DNAJC6: variants seen among roughly 807,000 people sequenced by gnomAD.
The protein encoded by DNAJC6 is auxilin.
Under a neutral mutation model 110.0 loss-of-function variants are expected in DNAJC6, and 34 were observed. That is an observed-to-expected ratio of 0.31 (90% CI 0.24 to 0.41). The LOEUF (loss-of-function observed/expected upper bound fraction) is 0.41, where lower values mean the gene tolerates loss of function less well. DNAJC6 is among the 10% of genes least tolerant of loss of function. DNAJC6 has a pLI of 1.00. For missense variants in DNAJC6, 1,031 were observed against 1,207.8 expected (o/e 0.85, Z 2.17); for synonymous variants, 406 against 437.2 (o/e 0.93, Z 0.89).
At chr1:65,358,178 CAAAAAAAAAAA>C (rs11285114) in intron 1 of DNAJC6, among the ~76,000 whole-genome samples, 1 of 80,036 alleles carries the variant, frequency 1.2e-5, no homozygotes, top group Non-Finnish European at 2.4e-5. Flanking sequence ...GACTCAGTCT[CAAAAAAAAAAA>C]AAAAAAAAAA....
At chr1:65,314,902 T>A (rs1340572979) in intron 1 of DNAJC6, among the ~76,000 whole-genome samples, 1 of 152,248 alleles carries the variant, frequency 6.6e-6, no homozygotes, top group Admixed American at 6.5e-5. Context: ...AGTTTCAAAT[T>A]TCAAATGCTT....
intron 13 of DNAJC6, among the ~76,000 whole-genome samples, chr1:65,397,295 G>A (rs959870341): frequency 5.9e-5 from 9 of 152,136 alleles, no homozygotes; most frequent in East Asian, 1.9e-4. Flanking sequence ...TACTTCCCCC[G>A]GGTTTCTGCA....
At chr1:65,317,379 A>T (rs1347192678) in intron 1 of DNAJC6, among the ~76,000 whole-genome samples, 1 of 152,272 alleles carries the variant, frequency 6.6e-6, no homozygotes, top group African/African-American at 2.4e-5. Flanking sequence ...AGGAAGTTCC[A>T]TAACATGTGC....
rs1645892808 is a variant in DNAJC6, at chr1:65,388,420, G to A, written c.1193+5G>A. 1 of 1,613,130 alleles carries A rather than the reference G, an allele frequency of 6.2e-7. No individual in the cohort carries two copies. Among genetic ancestry groups the A allele is most frequent in the South Asian group, 1.1e-5 (1 of 91,064 alleles). ...AACAGTTTTAAAGTTCACCAAGTAA[G>A]TACTGGTTGGGCCAAAAGTCTATTT... On this transcript the variant is annotated splice_donor_5th_base_variant and intron_variant, in intron 9 of 18. Transcript: ENST00000371069.
intron 1 of DNAJC6, among the ~76,000 whole-genome samples, chr1:65,347,907 A>G (rs1246903554): frequency 6.6e-6 from 1 of 152,176 alleles, no homozygotes; most frequent in African/African-American, 2.4e-5. Context: ...ATTTTTCTCA[A>G]GTAATTGAGC....
chr1:65,335,408 C>T (rs1202602241), intron 1 of DNAJC6, among the ~76,000 whole-genome samples: 1 of 151,876 alleles, frequency 6.6e-6, no homozygotes, highest in Non-Finnish European at 1.5e-5. Context: ...GCCACCAGGC[C>T]CAGCCTATGT....
chr1:65,366,323 T>C, intron 4 of DNAJC6, 127 bp downstream of exon 4: 3 of 1,006,388 alleles, frequency 3.0e-6, no homozygotes, highest in Non-Finnish European at 2.9e-6. Flanking sequence ...TGGACACTTC[T>C]GTTCACAAAA....
chr1:65,369,126 G>A (rs1645681453), intron 4 of DNAJC6, among the ~76,000 whole-genome samples: 1 of 151,990 alleles, frequency 6.6e-6, no homozygotes, highest in African/African-American at 2.4e-5. Flanking sequence ...CATGCCACGA[G>A]GCTTTTCCAA....
chr1:65,368,122 C>T (rs959127869), intron 4 of DNAJC6, among the ~76,000 whole-genome samples: 2 of 151,986 alleles, frequency 1.3e-5, no homozygotes, highest in Non-Finnish European at 2.9e-5. Flanking sequence ...GCCTAGTTGG[C>T]GAGAGAACCC....
intron 5 of DNAJC6, 143 bp from the exon 6 acceptor site, chr1:65,384,050 A>C: frequency 9.0e-7 from 1 of 1,106,500 alleles, no homozygotes; most frequent in Non-Finnish European, 1.2e-6. Flanking sequence ...TTGGTTTTCA[A>C]GTGAATAATT....
In DNAJC6 at chr1:65,368,033, A is replaced by G. The variant is rs186599832; in HGVS notation, c.543+1837A>G. On this transcript the variant is annotated intron_variant, in intron 4 of 18. Coordinates refer to ENST00000371069, the MANE Select transcript of DNAJC6 (RefSeq NM_001256864.2). ...CCCCAAAAATAAAAAATAAAAATAA[A>G]AAAGCATGAATGTGGAAAGAATTGT... is the stretch of plus-strand genomic sequence containing the variant. Among the ~76,000 whole-genome samples the G allele has an allele frequency of 2.7e-3, 418 of 152,358 alleles. 2 individuals carry two copies. The highest frequency in any genetic ancestry group is 2.3e-3 in the Non-Finnish European group (155 of 68,030).
At chr1:65,329,516 TAATA>T (rs1645268876) in intron 1 of DNAJC6, among the ~76,000 whole-genome samples, 1 of 151,574 alleles carries the variant, frequency 6.6e-6, no homozygotes, top group African/African-American at 2.4e-5. Context: ...TTATTCAATA[TAATA>T]AATATAAATA....
At chr1:65,270,829 C>T (rs1653480196) in intron 1 of DNAJC6, among the ~76,000 whole-genome samples, 1 of 152,128 alleles carries the variant, frequency 6.6e-6, no homozygotes. Flanking sequence ...CAGGTGCACA[C>T]CACCACACCC....
chr1:65,285,220 A>G (rs1653978765), intron 1 of DNAJC6, among the ~76,000 whole-genome samples: 1 of 152,154 alleles, frequency 6.6e-6, no homozygotes, highest in South Asian at 2.1e-4. Context: ...AGTGTTCTCA[A>G]TATGACCACC....
intron 8 of DNAJC6, 103 bp from the exon 9 acceptor site, chr1:65,388,233 A>G: frequency 1.0e-6 from 1 of 967,940 alleles, no homozygotes; most frequent in South Asian, 1.3e-5. Context: ...ACAAATTCAG[A>G]TATTGAAACA....
chr1:65,309,522 C>G, upstream of DNAJC6: 4 of 1,212,248 alleles, frequency 3.3e-6, no homozygotes, highest in South Asian at 2.3e-5. Context: ...TCCTTCCCTC[C>G]CTCCCTCCTC....
chr1:65,392,840 G>C lies in DNAJC6; in HGVS notation c.1878G>C (p.Ala626=). 6.5e-7 allele frequency: 1 copy of C among 1,536,812 alleles called. No homozygotes were observed. Among genetic ancestry groups the C allele is most frequent in the Non-Finnish European group, 8.7e-7 (1 of 1,143,834 alleles). The change falls in exon 12 of 19, where the codon GCG becomes GCC. Residue 626 remains alanine, a synonymous_variant. Transcript: ENST00000371069. ...TPRRSATSTS[A]SPTLRVGEGA... ...GCCGCTCTGCCACCTCCACCTCTGCGTCTCCAACCCTAAGAGTGGGAGAAG... is the reference window on the plus strand; with the variant it reads ...GCCGCTCTGCCACCTCCACCTCTGCCTCTCCAACCCTAAGAGTGGGAGAAG...
chr1:65,318,093 G>A (rs1645164016), intron 1 of DNAJC6, among the ~76,000 whole-genome samples: 2 of 152,108 alleles, frequency 1.3e-5, no homozygotes, highest in African/African-American at 4.8e-5. Flanking sequence ...GAGGAGGTTG[G>A]ACTTTATTCT....
intron 1 of DNAJC6, among the ~76,000 whole-genome samples, chr1:65,328,915 A>G (rs1045535329): frequency 5.3e-5 from 8 of 152,200 alleles, no homozygotes; most frequent in African/African-American, 1.9e-4. Flanking sequence ...CAAGTTAGAT[A>G]TCATGTCCAC....
Sources: allele counts gnomAD v4.1 joint callset (sites outside exome capture counted in the v4.1 genomes callset), GRCh38; gene constraint gnomAD v4.1.1; transcripts MANE v1.5; gene names NCBI Gene and HGNC (gene_info 2026-07-23, HGNC 2026-07-21).